The following GALNT9 variants were observed in gnomAD, a reference collection of about 807,000 sequenced individuals.
The protein encoded by GALNT9 is GalNAc transferase 9.
GALNT9 carries 47 observed loss-of-function variants against 63.1 expected under a neutral mutation model. The ratio of observed to expected loss-of-function variants is 0.75; its 90% CI spans 0.59 to 0.95. GALNT9 has a LOEUF of 0.95. Among genes scored for constraint, GALNT9 ranks in the 40% least tolerant of loss-of-function variants. The pLI is 0.00. For synonymous variants in GALNT9, 396 were observed against 365.7 expected, an observed-to-expected ratio of 1.08 and a Z score of -0.94; for missense variants, 829 against 874.8, an observed-to-expected ratio of 0.95 and a Z score of 0.66.
At chr12:132,247,340 T>A (rs1878740577) in intron 6 of GALNT9, 1 of 341,840 alleles carries the variant, frequency 2.9e-6, no homozygotes, top group Non-Finnish European at 5.8e-6. Flanking sequence ...GCATGAAAAA[T>A]AAAGTAGACA....
intron 6 of GALNT9, among the ~76,000 whole-genome samples, chr12:132,214,509 G>A (rs1215723861): frequency 6.6e-6 from 1 of 152,202 alleles, no homozygotes; most frequent in Non-Finnish European, 1.5e-5. Flanking sequence ...CGAATCCACA[G>A]CCCACTGCCT....
At chr12:132,328,029 A>G (rs1555246638) in intron 1 of GALNT9, among the ~76,000 whole-genome samples, 1 of 152,180 alleles carries the variant, frequency 6.6e-6, no homozygotes, top group Non-Finnish European at 1.5e-5. Flanking sequence ...AGAAGCCTGA[A>G]TCATCGGCAC....
rs1240991909 is a variant in GALNT9 at position 132,197,254 on chromosome 12, C to G, written c.1666-1G>C. ...TGGCCCGGCTCACAATGGGGCCACT[C>G]TGTGGGGACAGGCACATCAAGTCAG... On this transcript the variant is annotated splice_acceptor_variant, in intron 10 of 10. Coordinates refer to ENST00000328957, the MANE Select transcript of GALNT9 (RefSeq NM_001122636.2). LOFTEE classifies it high-confidence loss of function. 1.2e-6 allele frequency: 2 copies of G among 1,611,194 alleles called. No homozygotes were observed. The highest frequency in any genetic ancestry group is 1.7e-6 in the Non-Finnish European group (2 of 1,179,784).
chr12:132,277,012 C>A (rs971569837), intron 2 of GALNT9, among the ~76,000 whole-genome samples: 1 of 152,130 alleles, frequency 6.6e-6, no homozygotes, highest in African/African-American at 2.4e-5. Context: ...CAGATACATG[C>A]GCATGTACAG....
chr12:132,251,954 C>G (rs940004402), intron 5 of GALNT9, among the ~76,000 whole-genome samples: 1 of 152,204 alleles, frequency 6.6e-6, no homozygotes, highest in South Asian at 2.1e-4. Flanking sequence ...AGGCCTGCCC[C>G]CCGCCTGCCA....
At chr12:132,224,988 T>C (rs1289464687) in intron 6 of GALNT9, among the ~76,000 whole-genome samples, 1 of 117,010 alleles carries the variant, frequency 8.5e-6, no homozygotes, top group African/African-American at 3.4e-5. Flanking sequence ...ACACCCCATA[T>C]ACACACCCTA....
At chr12:132,240,262 C>A (rs2136897954) in intron 6 of GALNT9, among the ~76,000 whole-genome samples, 10 of 152,130 alleles carry the variant, frequency 6.6e-5, no homozygotes, top group Non-Finnish European at 8.8e-5. Flanking sequence ...CCAAGTCAGG[C>A]GCCGCCATCG....
intron 10 of GALNT9, 130 bp downstream of exon 10, chr12:132,197,662 G>C (rs11246984): frequency 0.72 from 514,211 of 709,952 alleles, 187,039 homozygotes; most frequent in African/African-American, 0.84. Flanking sequence ...TCCAAGGCCC[G>C]GTCCCCTGAC....
chr12:132,303,865 A>G (rs1427444655), intron 1 of GALNT9, among the ~76,000 whole-genome samples: 2 of 36,592 alleles, frequency 5.5e-5, no homozygotes, highest in African/African-American at 1.0e-4. Flanking sequence ...CCTCGCCCAG[A>G]CACACCCTCG....
intron 5 of GALNT9, among the ~76,000 whole-genome samples, chr12:132,250,376 C>T (rs1016147031): frequency 2.0e-5 from 3 of 152,182 alleles, no homozygotes; most frequent in East Asian, 3.9e-4. Flanking sequence ...GGCAGCTGCA[C>T]GACACTGTGA....
chr12:132,284,207 GCACA>G (rs545950185), intron 2 of GALNT9: 1 of 149,196 alleles, frequency 6.7e-6, no homozygotes, highest in Non-Finnish European at 1.5e-5. Context: ...GTGCACACGT[GCACA>G]CACAGACTCC....
intron 1 of GALNT9, among the ~76,000 whole-genome samples, chr12:132,297,640 C>T (rs1881123533): frequency 6.7e-6 from 1 of 149,940 alleles, no homozygotes; most frequent in Admixed American, 6.6e-5. Context: ...ACTGAGTCTC[C>T]CCCAAGATGA....
intron 6 of GALNT9, among the ~76,000 whole-genome samples, chr12:132,247,092 A>G (rs1038403619): frequency 6.6e-5 from 10 of 152,254 alleles, no homozygotes; most frequent in Non-Finnish European, 1.0e-4. Flanking sequence ...AAAACCCGCA[A>G]CCTCCAAAAT....
At chr12:132,204,194 C>T (rs1876466043) in intron 6 of GALNT9, among the ~76,000 whole-genome samples, 1 of 152,258 alleles carries the variant, frequency 6.6e-6, no homozygotes, top group South Asian at 2.1e-4. Flanking sequence ...CCCGCAGCCC[C>T]TGGCTTTCTG....
chr12:132,322,396 C>T (rs782575749), intron 1 of GALNT9, among the ~76,000 whole-genome samples: 6 of 152,244 alleles, frequency 3.9e-5, no homozygotes, highest in Non-Finnish European at 5.9e-5. Context: ...CAGGAAGGAA[C>T]GGACATGCGG....
Position 132,319,926 on chromosome 12 carries a change from C to T in GALNT9, c.238+9040G>A, listed in dbSNP as rs939027693. 9.2e-5 allele frequency among the ~76,000 whole-genome samples: 14 copies of T among 152,334 alleles called. No homozygotes were observed. The highest frequency in any genetic ancestry group is 6.2e-4 in the South Asian group (3 of 4,828). ...TGACCCCGCCATGCAGGCGGGCACA[C>T]GAGGCAGGCGCTCCTAAGGAAAAGG... On this transcript the variant is annotated intron_variant, in intron 1 of 10. Transcript: ENST00000328957. This position sits in a 1 kb window ranked among gnomAD's most constrained non-coding sequence, Gnocchi z 5.2.
intron 1 of GALNT9, among the ~76,000 whole-genome samples, chr12:132,309,015 C>A (rs1199299076): frequency 6.6e-6 from 1 of 152,212 alleles, no homozygotes; most frequent in Non-Finnish European, 1.5e-5. Context: ...CGCCCCTCTG[C>A]CCCCAACCAG....
At chr12:132,218,572 T>C (rs924381489) in intron 6 of GALNT9, among the ~76,000 whole-genome samples, 2 of 152,236 alleles carry the variant, frequency 1.3e-5, no homozygotes, top group African/African-American at 4.8e-5. Context: ...GAAATGATAA[T>C]TCCTCTGGTA....
In GALNT9 at chr12:132,197,783, GAGGCTGACCTGGGTGAAGTCCCAC is replaced by G. The variant is rs1246361885; in HGVS notation, c.1650_1665+8del. ...CCAACCCCACGGCCCCCCTTCCCCA[GAGGCTGACCTGGGTGAAGTCCCAC>G]AGCCGCTGTGTTGGCCGCGCCACAT... is the stretch of plus-strand genomic sequence containing the variant. On this transcript the variant is annotated splice_donor_variant and splice_donor_5th_base_variant and coding_sequence_variant and intron_variant, in exon 10 of 11. Transcript: ENST00000328957. LOFTEE classifies it high-confidence loss of function. 1 of 1,029,642 alleles carries G rather than the reference GAGGCTGACCTGGGTGAAGTCCCAC, an allele frequency of 9.7e-7. No homozygotes were observed. Among genetic ancestry groups the G allele is most frequent in the Non-Finnish European group, 1.4e-6 (1 of 723,884 alleles). The allele number at this position is 1,029,642 out of a possible 1,614,324, so 63.8% of individuals were successfully genotyped here. A position where few individuals can be genotyped will look rare whatever the true frequency, so the allele number is the denominator to read the frequency against.
Sources: allele counts gnomAD v4.1 joint callset (sites outside exome capture counted in the v4.1 genomes callset), GRCh38; gene constraint gnomAD v4.1.1; non-coding constraint Gnocchi (gnomAD v3.1); transcripts MANE v1.5; gene names NCBI Gene and HGNC (gene_info 2026-07-23, HGNC 2026-07-21).